The following CHD9NB variants were observed in gnomAD, a reference collection of about 807,000 sequenced individuals.
CHD9NB encodes CHD9 neighbor.
chr16:53,045,591 A>C, the CHD9NB span, among the ~76,000 whole-genome samples: 2 of 152,150 alleles, frequency 1.3e-5, no homozygotes, highest in African/African-American at 4.8e-5. Flanking sequence ...CAGGACTGTG[A>C]AGTGGCTTTT....
the CHD9NB span, among the ~76,000 whole-genome samples, chr16:53,047,586 G>A: frequency 2.0e-5 from 3 of 152,080 alleles, no homozygotes; most frequent in Non-Finnish European, 4.4e-5. Flanking sequence ...TTCTTATAAG[G>A]ATACCAGTTC....
the CHD9NB span, among the ~76,000 whole-genome samples, chr16:53,039,426 T>G: frequency 6.6e-6 from 1 of 152,152 alleles, no homozygotes; most frequent in Non-Finnish European, 1.5e-5. Flanking sequence ...GAAGGTGAAC[T>G]TTCCTTTCCT....
At chr16:53,038,736 A>C in the CHD9NB span, among the ~76,000 whole-genome samples, 7 of 152,308 alleles carry the variant, frequency 4.6e-5, no homozygotes, top group Non-Finnish European at 8.8e-5. Context: ...GATTGGGCTT[A>C]ATTCAGAATA....
the CHD9NB span, among the ~76,000 whole-genome samples, chr16:53,049,946 G>A: frequency 3.6e-4 from 55 of 152,276 alleles, no homozygotes; most frequent in African/African-American, 1.2e-3. Flanking sequence ...GCTCACGTCT[G>A]TAATCCCAGC....
chr16:53,041,862 T>C, the CHD9NB span, among the ~76,000 whole-genome samples: 1 of 151,944 alleles, frequency 6.6e-6, no homozygotes, highest in African/African-American at 2.4e-5. Flanking sequence ...AACTTCCTGA[T>C]CCCCAGCTGC....
chr16:53,037,226 G>A, the CHD9NB span, among the ~76,000 whole-genome samples: 3 of 152,254 alleles, frequency 2.0e-5, no homozygotes, highest in African/African-American at 4.8e-5. Flanking sequence ...GAGCCACTGC[G>A]CCTGGCCTCA....
chr16:53,048,426 G>A, the CHD9NB span, among the ~76,000 whole-genome samples: 41,854 of 151,862 alleles, frequency 0.28, 7,154 homozygotes, highest in Non-Finnish European at 0.38. Flanking sequence ...AAACAAAAAA[G>A]GAAAGAAAAT....
the CHD9NB span, among the ~76,000 whole-genome samples, chr16:53,038,688 C>T: frequency 6.6e-6 from 1 of 152,098 alleles, no homozygotes; most frequent in Non-Finnish European, 1.5e-5. Context: ...CCCCCTGCAC[C>T]CCCTGTACAA....
the CHD9NB span, among the ~76,000 whole-genome samples, chr16:53,045,888 G>A: frequency 6.6e-6 from 1 of 152,096 alleles, no homozygotes; most frequent in Non-Finnish European, 1.5e-5. Context: ...TCCAGAGCCT[G>A]TGATCTTCCC....
At chr16:53,049,164 G>GT in the CHD9NB span, among the ~76,000 whole-genome samples, 1 of 151,856 alleles carries the variant, frequency 6.6e-6, no homozygotes, top group Non-Finnish European at 1.5e-5. Flanking sequence ...CGGCCAGTTT[G>GT]TTTTTTGAAA....
At chr16:53,038,497 C>T in the CHD9NB span, among the ~76,000 whole-genome samples, 3 of 148,184 alleles carry the variant, frequency 2.0e-5, no homozygotes, top group African/African-American at 2.5e-5. Context: ...ATTACAGGCA[C>T]GTGCCACCAC....
chr16:53,041,479 T>C, the CHD9NB span, among the ~76,000 whole-genome samples: 1 of 152,334 alleles, frequency 6.6e-6, no homozygotes, highest in South Asian at 2.1e-4. Context: ...CTCAGAGAAC[T>C]TGAATTTAAT....
At chr16:53,039,020 T>C in the CHD9NB span, among the ~76,000 whole-genome samples, 1 of 152,110 alleles carries the variant, frequency 6.6e-6, no homozygotes, top group Admixed American at 6.5e-5. Context: ...CCTCCTTGTA[T>C]GCTTTTTTTT....
the CHD9NB span, among the ~76,000 whole-genome samples, chr16:53,039,902 G>A: frequency 6.6e-6 from 1 of 151,992 alleles, no homozygotes; most frequent in Non-Finnish European, 1.5e-5. Flanking sequence ...TGAGGAAAGG[G>A]TTCCCCATGA....
At chr16:53,044,320 T>C in the CHD9NB span, 1 of 395,690 alleles carries the variant, frequency 2.5e-6, no homozygotes, top group African/African-American at 2.1e-5. Flanking sequence ...CCGCTGTGCA[T>C]AAGGAGCCCC....
chr16:53,046,808 C>T, the CHD9NB span, among the ~76,000 whole-genome samples: 260 of 152,142 alleles, frequency 1.7e-3, 3 homozygotes, highest in African/African-American at 5.2e-3. Context: ...ACTCCTTGTT[C>T]GAAATGATTG....
the CHD9NB span, among the ~76,000 whole-genome samples, chr16:53,042,446 CCT>C: frequency 6.1e-5 from 9 of 148,474 alleles, no homozygotes; most frequent in Admixed American, 6.1e-4. Context: ...TTCTTCTTGC[CCT>C]CTCTCCTCCC....
At chr16:53,052,441 T>C in the CHD9NB span, among the ~76,000 whole-genome samples, 1 of 152,136 alleles carries the variant, frequency 6.6e-6, no homozygotes, top group African/African-American at 2.4e-5. Flanking sequence ...TTATTGTTAT[T>C]TACATACTTC....
the CHD9NB span, among the ~76,000 whole-genome samples, chr16:53,046,442 C>T: frequency 3.3e-5 from 5 of 151,524 alleles, no homozygotes; most frequent in East Asian, 1.9e-4. Context: ...TTTAGGAGGC[C>T]GAGGCGGGTG....
Sources: allele counts gnomAD v4.1 joint callset (sites outside exome capture counted in the v4.1 genomes callset), GRCh38; gene constraint gnomAD v4.1.1; transcripts MANE v1.5; gene names NCBI Gene and HGNC (gene_info 2026-07-23, HGNC 2026-07-21).